The following CPS1 variants were observed in gnomAD, a reference collection of about 807,000 sequenced individuals.
CPS1 encodes carbamoyl-phosphate synthase [ammonia], mitochondrial.
CPS1 carries 109 observed loss-of-function variants against 174.6 expected under a neutral mutation model. The ratio of observed to expected loss-of-function variants is 0.62; its 90% confidence interval spans 0.53 to 0.73. The LOEUF is 0.73. Among genes scored for constraint, CPS1 ranks in the 30% least tolerant of loss-of-function variants. CPS1 has a pLI of 0.00. For missense variants in CPS1, 1,689 were observed against 1,821.9 expected (o/e 0.93, Z 1.33); for synonymous variants, 637 against 632.0 (o/e 1.01, Z -0.12).
chr2:210,524,516 G>A (rs1490870927), intron 1 of CPS1, among the ~76,000 whole-genome samples: 1 of 151,870 alleles, frequency 6.6e-6, no homozygotes, highest in Non-Finnish European at 1.5e-5. Flanking sequence ...TATTATTTTT[G>A]TCATCCCAAA....
chr2:210,631,464 C>A (rs996809641), intron 21 of CPS1, among the ~76,000 whole-genome samples: 22 of 152,102 alleles, frequency 1.4e-4, no homozygotes, highest in Admixed American at 3.9e-4. Flanking sequence ...GTTTGTAAAC[C>A]AGAGAACACA....
chr2:210,552,311 G>A (rs2106028332), upstream of CPS1, among the ~76,000 whole-genome samples: 1 of 151,382 alleles, frequency 6.6e-6, no homozygotes, highest in Middle Eastern at 3.4e-3. Flanking sequence ...TGACTCCTAA[G>A]CATCCTTATT....
chr2:210,489,344 A>G (rs1401048628), intron 1 of CPS1, among the ~76,000 whole-genome samples: 1 of 152,134 alleles, frequency 6.6e-6, no homozygotes, highest in African/African-American at 2.4e-5. Context: ...ATTTCTGGCT[A>G]CAGAGCATTT....
intron 1 of CPS1, among the ~76,000 whole-genome samples, chr2:210,509,632 C>T (rs184004947): frequency 1.3e-5 from 2 of 152,262 alleles, no homozygotes; most frequent in Non-Finnish European, 2.9e-5. Flanking sequence ...CTAGAAAACC[C>T]ATCGTCTCAG....
At chr2:210,520,334 A>G (rs1695787825) in intron 1 of CPS1, among the ~76,000 whole-genome samples, 1 of 152,070 alleles carries the variant, frequency 6.6e-6, no homozygotes. Context: ...TCTGAGATAC[A>G]TGTGCAGAAC....
intron 1 of CPS1, among the ~76,000 whole-genome samples, chr2:210,514,709 A>G (rs1695627133): frequency 6.7e-6 from 1 of 150,180 alleles, no homozygotes; most frequent in African/African-American, 2.4e-5. Flanking sequence ...TACTTCTAGT[A>G]CTATGTTGAA....
intron 19 of CPS1, among the ~76,000 whole-genome samples, chr2:210,610,869 C>T (rs1341585740): frequency 1.3e-5 from 2 of 150,898 alleles, no homozygotes; most frequent in Non-Finnish European, 3.0e-5. Context: ...ATCCCATGTA[C>T]CATTATATAG....
chr2:210,575,921 G>A (rs994732502), intron 2 of CPS1, among the ~76,000 whole-genome samples: 9 of 152,008 alleles, frequency 5.9e-5, no homozygotes, highest in East Asian at 1.9e-4. Flanking sequence ...TGTTTCGATG[G>A]TTACTATCTT....
At chr2:210,551,534 C>T (rs1465508480) in intron 1 of CPS1, among the ~76,000 whole-genome samples, 2 of 151,824 alleles carry the variant, frequency 1.3e-5, no homozygotes, top group Non-Finnish European at 2.9e-5. Flanking sequence ...ACTTGTTCTC[C>T]TTAAGGTGTT....
intron 1 of CPS1, among the ~76,000 whole-genome samples, chr2:210,529,851 C>T (rs551447445): frequency 4.7e-4 from 72 of 152,064 alleles, no homozygotes; most frequent in African/African-American, 1.6e-3. Flanking sequence ...TGCTCCATGT[C>T]AGTTCAATTC....
At chr2:210,501,580 G>A (rs1695139327) in intron 1 of CPS1, among the ~76,000 whole-genome samples, 1 of 152,034 alleles carries the variant, frequency 6.6e-6, no homozygotes, top group Non-Finnish European at 1.5e-5. Context: ...CTAGGGCAGG[G>A]GCAAAATACC....
At chr2:210,594,959 A>T (rs2106117261) in intron 12 of CPS1, among the ~76,000 whole-genome samples, 1 of 152,070 alleles carries the variant, frequency 6.6e-6, no homozygotes, top group East Asian at 1.9e-4. Context: ...ATTATAGATG[A>T]TAGAATTCTT....
chr2:210,631,910 G>A (rs1180277073), intron 21 of CPS1, among the ~76,000 whole-genome samples: 1 of 152,124 alleles, frequency 6.6e-6, no homozygotes, highest in East Asian at 1.9e-4. Flanking sequence ...AATTTATTAT[G>A]CATATTTTAA....
At chr2:210,551,157 G>A (rs1055178027) in intron 1 of CPS1, among the ~76,000 whole-genome samples, 1 of 151,464 alleles carries the variant, frequency 6.6e-6, no homozygotes, top group Non-Finnish European at 1.5e-5. Context: ...TCTCTTTTTG[G>A]ACTAACTTAC....
At chr2:210,497,312 T>A (rs943123440) in intron 1 of CPS1, among the ~76,000 whole-genome samples, 1 of 152,184 alleles carries the variant, frequency 6.6e-6, no homozygotes, top group African/African-American at 2.4e-5. Flanking sequence ...GAATATGATA[T>A]GTAAAATGTA....
At chr2:210,638,102 C>A (rs961357027) in intron 22 of CPS1, among the ~76,000 whole-genome samples, 2 of 152,086 alleles carry the variant, frequency 1.3e-5, no homozygotes, top group African/African-American at 4.8e-5. Flanking sequence ...CTGAACAAAA[C>A]AAAACAAAAA....
Position 210,594,262 on chromosome 2 carries a change from A to T in CPS1, c.1165-246A>T, listed in dbSNP as rs10167325. Among the ~76,000 whole-genome samples the T allele has an allele frequency of 3.2e-3, 487 of 152,090 alleles. 3 individuals are homozygous for T. The highest frequency in any genetic ancestry group is 0.01 in the African/African-American group (427 of 41,552). Reference sequence around the variant, plus strand: ...ACTTGGCATTCTCAGAAGGTATCTGATATGTTTACTGCTTGTTGGAAACTT... The same window carrying T: ...ACTTGGCATTCTCAGAAGGTATCTGTTATGTTTACTGCTTGTTGGAAACTT... On this transcript the variant is annotated intron_variant, in intron 11 of 37. Coordinates refer to ENST00000233072, the MANE Select transcript of CPS1 (RefSeq NM_001875.5).
intron 19 of CPS1, among the ~76,000 whole-genome samples, chr2:210,611,031 T>C (rs1425423944): frequency 6.6e-6 from 1 of 151,940 alleles, no homozygotes. Context: ...TTTCTGGCAG[T>C]CTTTTCCATG....
chr2:210,646,043 T>C (rs1222404174), intron 25 of CPS1, among the ~76,000 whole-genome samples: 1 of 152,158 alleles, frequency 6.6e-6, no homozygotes, highest in African/African-American at 2.4e-5. Context: ...TACAGCTAAG[T>C]TGAAAAATAT....
Sources: gnomAD v4.1 joint callset for allele counts (sites outside exome capture counted in the v4.1 genomes callset) on GRCh38, gnomAD v4.1.1 for gene constraint, MANE v1.5 for transcripts, NCBI Gene and HGNC (gene_info 2026-07-23, HGNC 2026-07-21) for gene names.